WDR64: variants seen among roughly 807,000 people sequenced by gnomAD.
WDR64 encodes the protein WD repeat-containing protein 64.
In WDR64, 112 loss-of-function variants were observed where a neutral mutation model predicts 139.3. The observed-to-expected ratio is 0.80, with a 90% CI of 0.69 to 0.94. The LOEUF (loss-of-function observed/expected upper bound fraction) is 0.94, where lower values mean the gene tolerates loss of function less well. WDR64 is among the 40% of genes least tolerant of loss of function. The pLI, the probability that WDR64 is intolerant of heterozygous loss-of-function variation, is 0.00. For missense variants in WDR64, 1,206 were observed against 1,293.1 expected (o/e 0.93, Z 1.03); for synonymous variants, 444 against 437.7 (o/e 1.01, Z -0.18).
At chr1:241,721,939 C>T (rs548764420) in intron 9 of WDR64, among the ~76,000 whole-genome samples, 21 of 152,152 alleles carry the variant, frequency 1.4e-4, no homozygotes, top group African/African-American at 4.6e-4. Context: ...AATCTGACCA[C>T]GCCTAACTGC....
At chr1:241,776,917 G>A (rs1658675545) in intron 21 of WDR64, among the ~76,000 whole-genome samples, 1 of 151,944 alleles carries the variant, frequency 6.6e-6, no homozygotes, top group Admixed American at 6.6e-5. Context: ...AAATAGAGTG[G>A]GTTTGGGATC....
intron 8 of WDR64, among the ~76,000 whole-genome samples, chr1:241,693,883 T>C (rs908982425): frequency 6.6e-6 from 1 of 152,208 alleles, no homozygotes; most frequent in African/African-American, 2.4e-5. Context: ...TAAAAATTTA[T>C]TTTCAAAACC....
rs76422889 is a variant in WDR64, at chr1:241,742,816, G to A, written c.1470+1152G>A. 4.8e-3 allele frequency among the ~76,000 whole-genome samples: 732 copies of A among 152,218 alleles called. 2 individuals carry two copies. Among genetic ancestry groups the A allele is most frequent in the Non-Finnish European group, 8.2e-3 (561 of 68,018 alleles). On this transcript the variant is annotated intron_variant, in intron 12 of 27. Transcript: ENST00000437684. ...ATCAGGACCCCTTTCCCATAACACG[G>A]CCATCACAGCATTTCCTAGAGGCCA...
chr1:241,796,424 GTT>G (rs1484704871), intron 27 of WDR64, 54 bp downstream of exon 27: 99 of 1,201,840 alleles, frequency 8.2e-5, no homozygotes, highest in Non-Finnish European at 1.2e-4. Context: ...TCCTATTTCT[GTT>G]TGTTTTTTTA....
chr1:241,675,689 T>C (rs1666523667), intron 4 of WDR64, among the ~76,000 whole-genome samples: 1 of 152,240 alleles, frequency 6.6e-6, no homozygotes, highest in Non-Finnish European at 1.5e-5. Flanking sequence ...AGTAGGGAGC[T>C]TAGTGAGCCA....
chr1:241,669,422 G>A (rs1211455113), intron 2 of WDR64, among the ~76,000 whole-genome samples: 1 of 152,152 alleles, frequency 6.6e-6, no homozygotes, highest in Non-Finnish European at 1.5e-5. Flanking sequence ...CTCCAACATA[G>A]ATCTATTAAT....
rs185716739 is a variant in WDR64, at chr1:241,708,791, C to T, written c.975-3011C>T. Among the ~76,000 whole-genome samples, 8 of 146,240 alleles carry T rather than the reference C, an allele frequency of 5.5e-5. No individual in the cohort carries two copies. The South Asian group carries it at 1.3e-3, about 24-fold the overall frequency. On this transcript the variant is annotated intron_variant, in intron 8 of 27. Transcript: ENST00000437684. ...CCAGGCTCAAGCGATCCTCCTACCT[C>T]GGCCTCCCAAAGTATTTGGATGACA...
intron 21 of WDR64, among the ~76,000 whole-genome samples, chr1:241,778,677 C>T (rs1658746531): frequency 6.6e-6 from 1 of 152,048 alleles, no homozygotes; most frequent in Non-Finnish European, 1.5e-5. Context: ...TATTATACTT[C>T]CTTTTAAACA....
chr1:241,692,640 G>C (rs2148128056), intron 8 of WDR64, among the ~76,000 whole-genome samples: 1 of 152,252 alleles, frequency 6.6e-6, no homozygotes, highest in Admixed American at 6.5e-5. Flanking sequence ...GAGAAGACAA[G>C]ACACAGACTG....
chr1:241,679,041 G>C (rs1472952517), intron 5 of WDR64, among the ~76,000 whole-genome samples: 1 of 152,076 alleles, frequency 6.6e-6, no homozygotes, highest in Non-Finnish European at 1.5e-5. Flanking sequence ...CTTTAGGTAG[G>C]ACACAAGAAA....
chr1:241,661,856 A>G (rs1374292734), intron 2 of WDR64, among the ~76,000 whole-genome samples: 1 of 152,242 alleles, frequency 6.6e-6, no homozygotes, highest in Non-Finnish European at 1.5e-5. Context: ...TTTGTTGTGA[A>G]TAAAGTTTAC....
intron 16 of WDR64, among the ~76,000 whole-genome samples, chr1:241,768,951 T>C (rs1658301431): frequency 6.6e-6 from 1 of 152,136 alleles, no homozygotes; most frequent in South Asian, 2.1e-4. Flanking sequence ...ATTTAAAAAA[T>C]ATTAGAACTC....
intron 6 of WDR64, among the ~76,000 whole-genome samples, chr1:241,683,240 C>T (rs955582299): frequency 3.9e-5 from 6 of 152,116 alleles, no homozygotes; most frequent in Admixed American, 1.3e-4. Flanking sequence ...AATCTCATTA[C>T]TTATTGGCCC....
At chr1:241,687,681 A>T in intron 8 of WDR64, 86 bp downstream of exon 8, 1 of 1,356,530 alleles carries the variant, frequency 7.4e-7, no homozygotes. Context: ...TGAAACTTTC[A>T]AACTGGCTTT....
intron 25 of WDR64, among the ~76,000 whole-genome samples, chr1:241,794,324 GT>G (rs1239826318): frequency 1.3e-5 from 2 of 151,938 alleles, no homozygotes; most frequent in African/African-American, 4.8e-5. Context: ...GACTAAAATA[GT>G]ACAACCTAGA....
intron 15 of WDR64, 114 bp downstream of exon 15, chr1:241,757,573 C>A: frequency 1.1e-6 from 1 of 946,450 alleles, no homozygotes; most frequent in Non-Finnish European, 1.5e-6. Flanking sequence ...TATCACTCAG[C>A]TTCGAGAACT....
At chr1:241,671,000 C>T (rs1666203777) in intron 2 of WDR64, 74 bp from the exon 3 acceptor site, 1 of 1,068,902 alleles carries the variant, frequency 9.4e-7, no homozygotes, top group Non-Finnish European at 1.3e-6. Context: ...TAAATTCAGC[C>T]AACATGAGAT....
chr1:241,708,018 C>T (rs1668019844), intron 8 of WDR64, among the ~76,000 whole-genome samples: 1 of 152,168 alleles, frequency 6.6e-6, no homozygotes, highest in Admixed American at 6.5e-5. Context: ...TAGAAGTCTG[C>T]CCATCCCACC....
intron 6 of WDR64, among the ~76,000 whole-genome samples, chr1:241,682,825 T>A (rs74150355): frequency 6.6e-5 from 10 of 152,342 alleles, no homozygotes; most frequent in African/African-American, 2.4e-4. Flanking sequence ...TTTCCTTAAA[T>A]GCACTTCTAC....
Sources: gnomAD v4.1 joint callset for allele counts (sites outside exome capture counted in the v4.1 genomes callset) on GRCh38, gnomAD v4.1.1 for gene constraint, MANE v1.5 for transcripts, NCBI Gene and HGNC (gene_info 2026-07-23, HGNC 2026-07-21) for gene names.